Variants in PRRX1 observed in about 807,000 individuals in gnomAD.
PRRX1 encodes the protein paired related homeobox 1, also known as paired mesoderm homeobox protein 1.
Under a neutral mutation model 24.0 loss-of-function variants are expected in PRRX1, and 8 were observed. The ratio of observed to expected loss-of-function variants is 0.33; its 90% confidence interval spans 0.20 to 0.60. The LOEUF is 0.60. Among genes scored for constraint, PRRX1 ranks in the 20% least tolerant of loss-of-function variants. The pLI is 0.82. For synonymous variants in PRRX1, 160 were observed against 131.7 expected, an observed-to-expected ratio of 1.22 and a Z score of -1.47; for missense variants, 281 against 322.4, an observed-to-expected ratio of 0.87 and a Z score of 0.98.
At chr1:170,669,907 T>C (rs1163779571) in intron 1 of PRRX1, among the ~76,000 whole-genome samples, 3 of 152,204 alleles carry the variant, frequency 2.0e-5, no homozygotes, top group African/African-American at 7.2e-5. Flanking sequence ...GAGAAGGAGA[T>C]AAGGATTGCA....
chr1:170,733,862 T>C (rs1227456374), intron 3 of PRRX1, among the ~76,000 whole-genome samples: 1 of 152,118 alleles, frequency 6.6e-6, no homozygotes, highest in Admixed American at 6.6e-5. Flanking sequence ...AATGGAACTG[T>C]GAACTAAATG....
chr1:170,689,816 C>G (rs1048319851), intron 1 of PRRX1, among the ~76,000 whole-genome samples: 18 of 82,196 alleles, frequency 2.2e-4, no homozygotes, highest in Non-Finnish European at 3.4e-4. Flanking sequence ...AATATTCCGT[C>G]TCTCTCTCTC....
rs368904544 is a variant in PRRX1, at chr1:170,722,693, C to T, written c.417+2792C>T. On this transcript the variant is annotated intron_variant, in intron 2 of 3. Transcript: ENST00000239461. The stretch of plus-strand genomic sequence containing the variant: ...TGTAAGTAGATATTGTTATCTCCAA[C>T]TGATTAGGAGACAAAGGAGCAGAGA... 10 of 152,126 alleles carry T rather than the reference C, an allele frequency of 6.6e-5. No individual in the cohort carries two copies. In the East Asian group the frequency reaches 7.7e-4, roughly 12 times the overall value. The allele number at this position is 152,126 out of a possible 1,614,324, so 9.4% of individuals were successfully genotyped here. A position where few individuals can be genotyped will look rare whatever the true frequency, so the allele number is the denominator to read the frequency against.
chr1:170,686,619 C>T (rs1321894526), intron 1 of PRRX1, among the ~76,000 whole-genome samples: 1 of 152,144 alleles, frequency 6.6e-6, no homozygotes, highest in Non-Finnish European at 1.5e-5. Flanking sequence ...TGGTAGGAGA[C>T]GGGCGGCTGC....
In PRRX1 at chr1:170,736,171, G is replaced by T. The variant is rs960692524; in HGVS notation, c.723G>T (p.Val241=). 6.2e-6 allele frequency: 10 copies of T among 1,614,018 alleles called. 1 individual carries two copies. In the African/African-American group the frequency reaches 9.3e-5, roughly 15 times the overall value. ...AKEYSLQRNQ[V]PTVN is the part of the protein sequence containing the mutation. ...AATATAGTTTACAGAGGAACCAGGT[G>T]CCAACAGTCAACTGAGGAAAAAAAA... The change falls in exon 4 of 4, where the codon GTG becomes GTT. Residue 241 remains valine (V), a synonymous_variant. Transcript: ENST00000239461.
Position 170,726,079 on chromosome 1 carries a change from C to A in PRRX1, c.418-141C>A. ...CGGATGGCATGTTTCTATTGTTCTA[C>A]GGAGAATTCCATAGCCATCTTATAT... On this transcript the variant is annotated intron_variant, in intron 2 of 3. Coordinates refer to ENST00000239461, the MANE Select transcript of PRRX1 (RefSeq NM_022716.4). The A allele has an allele frequency of 7.3e-6, 6 of 821,848 alleles. No homozygotes were observed. In the South Asian group the frequency reaches 7.8e-5, roughly 11 times the overall value. The allele number at this position is 821,848 out of a possible 1,614,324, so 50.9% of individuals were successfully genotyped here. A position where few individuals can be genotyped will look rare whatever the true frequency, so the allele number is the denominator to read the frequency against.
rs1408898234 is a variant in PRRX1, at chr1:170,737,552, G to A, written c.*1366G>A. The A allele has an allele frequency of 4.7e-6, 1 of 210,752 alleles. No homozygotes were observed. The allele number at this position is 210,752 out of a possible 1,614,324, so 13.1% of individuals were successfully genotyped here. On this transcript the variant is annotated 3_prime_UTR_variant, in exon 4 of 4. Transcript: ENST00000239461. ...TTCTTCACTTAGCAGGAATATGAAA[G>A]AAAGGCACATGTTTAAGAGGAATAC...
intron 1 of PRRX1, among the ~76,000 whole-genome samples, chr1:170,692,223 A>G (rs908722107): frequency 6.6e-6 from 1 of 152,094 alleles, no homozygotes; most frequent in Non-Finnish European, 1.5e-5. Context: ...ATTATTAATA[A>G]CAATTGTCCA....
At chr1:170,692,541 G>A (rs1654024252) in intron 1 of PRRX1, among the ~76,000 whole-genome samples, 1 of 149,696 alleles carries the variant, frequency 6.7e-6, no homozygotes, top group Admixed American at 6.7e-5. Flanking sequence ...TTTAAATTCA[G>A]GCCACTAGAG....
chr1:170,730,732 G>A (rs1052587497), intron 3 of PRRX1: 10 of 204,198 alleles, frequency 4.9e-5, no homozygotes, highest in African/African-American at 7.1e-5. Context: ...GACGGGGTTC[G>A]GAAGAACTAC....
At position 170,683,157 on chromosome 1, in the gene PRRX1, G is replaced by A. The variant is rs116339936; in HGVS notation, c.241+18698G>A. Among the ~76,000 whole-genome samples the A allele has an allele frequency of 2.5e-3, 375 of 152,322 alleles. 2 individuals carry two copies. The highest frequency in any genetic ancestry group is 7.9e-3 in the African/African-American group (328 of 41,580). On this transcript the variant is annotated intron_variant, in intron 1 of 3. Transcript: ENST00000239461. Reference sequence around the variant, plus strand: ...TTGAAACCGGAGAGTTTTGTAATGTGATTTATGTCTTTAAAAGAACAACCC... The same window carrying A: ...TTGAAACCGGAGAGTTTTGTAATGTAATTTATGTCTTTAAAAGAACAACCC...
intron 1 of PRRX1, among the ~76,000 whole-genome samples, chr1:170,706,584 C>A (rs1171617476): frequency 2.0e-5 from 3 of 152,134 alleles, no homozygotes; most frequent in Non-Finnish European, 4.4e-5. Context: ...ATAAAGTTGA[C>A]TTCTCATACA....
At chr1:170,680,982 G>A (rs747674249) in intron 1 of PRRX1, among the ~76,000 whole-genome samples, 6 of 152,182 alleles carry the variant, frequency 3.9e-5, no homozygotes, top group South Asian at 2.1e-4. Flanking sequence ...TTAGGTGAGC[G>A]AGGAGACTTC....
intron 1 of PRRX1, among the ~76,000 whole-genome samples, chr1:170,689,813 C>T (rs899819851): frequency 6.3e-5 from 7 of 110,478 alleles, no homozygotes; most frequent in Non-Finnish European, 5.3e-5. Context: ...TTTAATATTC[C>T]GTCTCTCTCT....
intron 1 of PRRX1, among the ~76,000 whole-genome samples, chr1:170,714,140 G>A (rs1654833779): frequency 6.6e-6 from 1 of 152,212 alleles, no homozygotes; most frequent in Non-Finnish European, 1.5e-5. Flanking sequence ...CCTAATTTCA[G>A]TTAATGCTAA....
rs769169345 is a variant in PRRX1 at position 170,726,452 on chromosome 1, G to A, written c.599+51G>A. The A allele has an allele frequency of 2.0e-5, 32 of 1,585,618 alleles. No individual in the cohort carries two copies. The East Asian group carries it at 2.2e-4, about 11-fold the overall frequency. On this transcript the variant is annotated intron_variant, in intron 3 of 3. Transcript: ENST00000239461. The stretch of plus-strand genomic sequence containing the variant: ...GCTCCACTTCCACATGTTTCTCAGC[G>A]GTCGGTCATGTTTCAAGCTGCTTGT...
Position 170,726,366 on chromosome 1 carries a change from C to T in PRRX1, c.564C>T (p.Thr188=), listed in dbSNP as rs1655255587. 2 of 1,614,090 alleles carry T rather than the reference C, an allele frequency of 1.2e-6. No individual in the cohort carries two copies. Among genetic ancestry groups the T allele is most frequent in the Non-Finnish European group, 8.5e-7 (1 of 1,179,990 alleles). The change falls in exon 3 of 4, where the codon ACC becomes ACT. Residue 188 remains threonine (T), a synonymous_variant. Transcript: ENST00000239461. ...PIVPRPAPRP[T]DYLSWGTASP... is the part of the protein sequence containing the mutation. Reference sequence around the variant, plus strand: ...TACCTCGTCCTGCTCCGAGACCCACCGATTATCTCTCCTGGGGGACAGCGT... The same window carrying T: ...TACCTCGTCCTGCTCCGAGACCCACTGATTATCTCTCCTGGGGGACAGCGT...
intron 1 of PRRX1, among the ~76,000 whole-genome samples, chr1:170,701,193 C>T (rs925196060): frequency 6.6e-6 from 1 of 152,118 alleles, no homozygotes; most frequent in Non-Finnish European, 1.5e-5. Context: ...TACAGTTGAT[C>T]CTTCCTTTGC....
chr1:170,712,489 C>T (rs563987898), intron 1 of PRRX1, among the ~76,000 whole-genome samples: 5 of 152,252 alleles, frequency 3.3e-5, no homozygotes, highest in Admixed American at 2.6e-4. Flanking sequence ...TGATAGAAAT[C>T]TTACTGAACA....
Sources: gnomAD v4.1 joint callset for allele counts (sites outside exome capture counted in the v4.1 genomes callset) on GRCh38, gnomAD v4.1.1 for gene constraint, MANE v1.5 for transcripts, NCBI Gene and HGNC (gene_info 2026-07-23, HGNC 2026-07-21) for gene names.